Variants in MRPS28 observed in about 807,000 individuals in gnomAD.
MRPS28 encodes mitochondrial ribosomal protein S28, also known as small ribosomal subunit protein bS1m.
Under a neutral mutation model 10.8 loss-of-function variants are expected in MRPS28, and 7 were observed. The ratio of observed to expected loss-of-function variants is 0.65; its 90% CI spans 0.37 to 1.22. The LOEUF is 1.22. Ranked by LOEUF, MRPS28 falls within the 50% of genes most tolerant of loss-of-function variation. The probability of loss-of-function intolerance (pLI) is 0.02; values close to 1 mark genes in which losing one functional copy is unlikely to be tolerated. For missense variants in MRPS28, 265 were observed against 232.9 expected, an observed-to-expected ratio of 1.14 and a Z score of -0.90; for synonymous variants, 121 against 93.3, an observed-to-expected ratio of 1.30 and a Z score of -1.71.
chr8:80,013,433 G>A (rs1021526459), intron 1 of MRPS28, among the ~76,000 whole-genome samples: 53 of 151,936 alleles, frequency 3.5e-4, no homozygotes, highest in African/African-American at 1.1e-3. Flanking sequence ...TCCGGAATTC[G>A]AGAACAGCCT....
At chr8:80,029,692 G>C in intron 1 of MRPS28, 2 of 1,356,656 alleles carry the variant, frequency 1.5e-6, no homozygotes, top group Non-Finnish European at 1.9e-6. Flanking sequence ...CTCCGTGTGA[G>C]TCCCATTCTC....
At chr8:80,007,160 A>C (rs1206723064) in intron 1 of MRPS28, among the ~76,000 whole-genome samples, 2 of 152,226 alleles carry the variant, frequency 1.3e-5, no homozygotes, top group Non-Finnish European at 2.9e-5. Context: ...AACAGAACCA[A>C]AGACAAAAAC....
At chr8:79,958,432 ACTC>A (rs1807284901) in intron 2 of MRPS28, 2 of 680,772 alleles carry the variant, frequency 2.9e-6, no homozygotes, top group Admixed American at 4.4e-5. Context: ...ACGAAATGGG[ACTC>A]CTGAGTGAAG....
chr8:80,018,654 C>G (rs1214311212), intron 1 of MRPS28, among the ~76,000 whole-genome samples: 1 of 152,046 alleles, frequency 6.6e-6, no homozygotes, highest in Non-Finnish European at 1.5e-5. Context: ...GGTTTTATAC[C>G]CCAAAGAAAG....
intron 2 of MRPS28, among the ~76,000 whole-genome samples, chr8:79,995,473 T>C (rs1808476227): frequency 6.6e-6 from 1 of 152,190 alleles, no homozygotes; most frequent in Non-Finnish European, 1.5e-5. Flanking sequence ...CACCTTATTT[T>C]TGCTACTGCC....
chr8:79,933,671 T>C (rs1407047336), intron 2 of MRPS28, among the ~76,000 whole-genome samples: 1 of 152,070 alleles, frequency 6.6e-6, no homozygotes, highest in African/African-American at 2.4e-5. Flanking sequence ...TGAAATGAAA[T>C]ACACTAGTGG....
intron 1 of MRPS28, among the ~76,000 whole-genome samples, chr8:80,010,288 C>T (rs1379222342): frequency 1.3e-5 from 2 of 152,184 alleles, no homozygotes; most frequent in Admixed American, 6.5e-5. Flanking sequence ...AGGACATTAA[C>T]AATTTGATCT....
At position 80,030,032 on chromosome 8, in the gene MRPS28, C is replaced by G. The variant is rs1409518324; in HGVS notation, c.213+4G>C. 1 of 1,612,350 alleles carries G rather than the reference C, an allele frequency of 6.2e-7. No homozygotes were observed. Among genetic ancestry groups the G allele is most frequent in the South Asian group, 1.1e-5 (1 of 90,960 alleles). On this transcript the variant is annotated splice_donor_region_variant and intron_variant, in intron 1 of 2. Transcript: ENST00000276585. Reference sequence around the variant, plus strand: ...CGACTCCCTCTCACCCGCCCGGGCTCCACCTTCTGTAGGGGCTCCACCTTC... The same window carrying G: ...CGACTCCCTCTCACCCGCCCGGGCTGCACCTTCTGTAGGGGCTCCACCTTC...
intron 2 of MRPS28, chr8:79,956,499 G>A (rs993543841): frequency 1.3e-5 from 2 of 151,974 alleles, no homozygotes; most frequent in African/African-American, 4.8e-5. Flanking sequence ...TATTATTTTA[G>A]GTTCAGGGGT....
In MRPS28 at chr8:79,950,193, A is replaced by AT. The variant is rs375741169; in HGVS notation, c.396-31046dup. On this transcript the variant is annotated intron_variant, in intron 2 of 2. Coordinates refer to ENST00000276585, the MANE Select transcript of MRPS28 (RefSeq NM_014018.3). ...GTCAAAAGTATTCTCTTGTGTATCA[A>AT]TAAAACAAATGCTTAACTAATTTTT... Among the ~76,000 whole-genome samples the AT allele has an allele frequency of 2.9e-3, 440 of 152,312 alleles. 2 individuals carry two copies. The highest frequency in any genetic ancestry group is 9.6e-3 in the African/African-American group (400 of 41,568).
intron 1 of MRPS28, among the ~76,000 whole-genome samples, chr8:80,023,792 T>C (rs879913974): frequency 6.6e-6 from 1 of 152,242 alleles, no homozygotes; most frequent in Admixed American, 6.5e-5. Context: ...TGCCACCTTG[T>C]GGCTACGAGA....
intron 1 of MRPS28, among the ~76,000 whole-genome samples, chr8:80,013,690 T>C (rs897540064): frequency 7.0e-6 from 1 of 142,564 alleles, no homozygotes; most frequent in Non-Finnish European, 1.6e-5. Context: ...ACAATAAAAG[T>C]AATGAAATGG....
chr8:79,948,733 C>CT (rs1332010829), intron 2 of MRPS28, among the ~76,000 whole-genome samples: 1 of 151,728 alleles, frequency 6.6e-6, no homozygotes, highest in African/African-American at 2.4e-5. Flanking sequence ...TATGGATTTT[C>CT]TTTTTTTTAT....
At chr8:79,982,990 CGACCCCCG>C (rs1808016962) in intron 2 of MRPS28, among the ~76,000 whole-genome samples, 1 of 102,318 alleles carries the variant, frequency 9.8e-6, no homozygotes, top group Admixed American at 9.9e-5. Context: ...GCCTGACCCC[CGACCCCCG>C]AGCAGCCTAA....
intron 2 of MRPS28, among the ~76,000 whole-genome samples, chr8:79,987,388 A>C (rs1488085957): frequency 6.6e-6 from 1 of 152,210 alleles, no homozygotes; most frequent in Non-Finnish European, 1.5e-5. Flanking sequence ...TGTCTAAAAC[A>C]CCAAAAGCAA....
At chr8:80,015,300 T>C (rs1435066480) in intron 1 of MRPS28, among the ~76,000 whole-genome samples, 1 of 152,240 alleles carries the variant, frequency 6.6e-6, no homozygotes, top group Non-Finnish European at 1.5e-5. Flanking sequence ...GTCTTTTTAA[T>C]ATACATTAAG....
intron 2 of MRPS28, among the ~76,000 whole-genome samples, chr8:79,969,768 G>A (rs1039739162): frequency 1.8e-4 from 28 of 152,062 alleles, no homozygotes; most frequent in African/African-American, 5.5e-4. Context: ...AGCAAATTAC[G>A]GTTATGTAAG....
At chr8:79,946,653 C>A (rs752514675) in intron 2 of MRPS28, among the ~76,000 whole-genome samples, 1 of 152,020 alleles carries the variant, frequency 6.6e-6, no homozygotes, top group Non-Finnish European at 1.5e-5. Context: ...GGATTTTGTT[C>A]TTTTCGCTCC....
intron 2 of MRPS28, among the ~76,000 whole-genome samples, chr8:79,960,073 G>A (rs966833958): frequency 1.6e-4 from 24 of 152,060 alleles, no homozygotes; most frequent in Non-Finnish European, 3.4e-4. Flanking sequence ...GCTTTCCTTG[G>A]GGTTTAGGCT....
Sources: gnomAD v4.1 joint callset for allele counts (sites outside exome capture counted in the v4.1 genomes callset) on GRCh38, gnomAD v4.1.1 for gene constraint, MANE v1.5 for transcripts, NCBI Gene and HGNC (gene_info 2026-07-23, HGNC 2026-07-21) for gene names.